NUP210L: variants seen among roughly 807,000 people sequenced by gnomAD.
The protein encoded by NUP210L is nucleoporin 210 like.
Under a neutral mutation model 208.5 loss-of-function variants are expected in NUP210L, and 74 were observed. That is an observed-to-expected ratio of 0.35 (90% CI 0.29 to 0.43). NUP210L has a LOEUF of 0.43. Ranked by LOEUF, NUP210L falls within the 20% of genes least tolerant of loss-of-function variation. The probability of loss-of-function intolerance (pLI) is 1.00; values close to 1 mark genes in which losing one functional copy is unlikely to be tolerated. For synonymous variants in NUP210L, 780 were observed against 816.9 expected, an observed-to-expected ratio of 0.95 and a Z score of 0.77; for missense variants, 1,843 against 2,289.4, an observed-to-expected ratio of 0.81 and a Z score of 3.98.
At chr1:154,080,246 G>C (rs952648603) in intron 16 of NUP210L, among the ~76,000 whole-genome samples, 1 of 151,978 alleles carries the variant, frequency 6.6e-6, no homozygotes, top group Non-Finnish European at 1.5e-5. Flanking sequence ...TGTAATCCCA[G>C]CTACTCGGGA....
intron 7 of NUP210L, among the ~76,000 whole-genome samples, chr1:154,134,314 A>T (rs1171356251): frequency 6.6e-6 from 1 of 151,998 alleles, no homozygotes; most frequent in Non-Finnish European, 1.5e-5. Context: ...TTCAAAAAAA[A>T]TACCAAATAA....
chr1:154,142,918 G>A (rs1322848527), intron 3 of NUP210L, among the ~76,000 whole-genome samples: 6 of 151,672 alleles, frequency 4.0e-5, no homozygotes, highest in African/African-American at 1.5e-4. Flanking sequence ...GCCAGGCGCG[G>A]TGGCTCACGC....
At chr1:154,117,786 C>A (rs1399390964) in exon 12 of NUP210L, 1 of 1,613,422 alleles carries the variant, frequency 6.2e-7, no homozygotes, top group East Asian at 2.2e-5. Context: ...ACTATTCCCC[C>A]TGACCTGACC....
intron 28 of NUP210L, among the ~76,000 whole-genome samples, chr1:154,028,694 C>T (rs1021699356): frequency 4.6e-5 from 7 of 152,106 alleles, no homozygotes; most frequent in African/African-American, 7.2e-5. Flanking sequence ...TGTTCATATC[C>T]TGTGTTCCTG....
At chr1:154,139,878 C>T in exon 5 of NUP210L, 1 of 1,612,922 alleles carries the variant, frequency 6.2e-7, no homozygotes. Flanking sequence ...AATCACATCT[C>T]CTTGTTTCTC....
At chr1:154,145,853 G>A (rs1001648448) in intron 2 of NUP210L, among the ~76,000 whole-genome samples, 4 of 152,088 alleles carry the variant, frequency 2.6e-5, no homozygotes, top group African/African-American at 7.2e-5. Context: ...ATGTTGCTGA[G>A]AGGGCCTAGA....
intron 13 of NUP210L, among the ~76,000 whole-genome samples, chr1:154,100,525 T>G (rs969505624): frequency 1.4e-5 from 2 of 142,974 alleles, no homozygotes; most frequent in African/African-American, 5.1e-5. Context: ...GTTTTTTTTT[T>G]TTTTTTTTTT....
intron 37 of NUP210L, among the ~76,000 whole-genome samples, chr1:153,996,345 C>T (rs1007734395): frequency 1.3e-5 from 2 of 152,088 alleles, no homozygotes; most frequent in Non-Finnish European, 2.9e-5. Context: ...TGCACTTTAA[C>T]CCCAGGTAAC....
At chr1:154,085,191 CAA>C (rs112021292) in intron 16 of NUP210L, among the ~76,000 whole-genome samples, 2 of 143,952 alleles carry the variant, frequency 1.4e-5, no homozygotes, top group East Asian at 2.1e-4. Context: ...ACTAAAAATA[CAA>C]AAAAAAAATA....
chr1:154,062,108 G>A (rs1377117560), intron 17 of NUP210L, among the ~76,000 whole-genome samples: 1 of 152,028 alleles, frequency 6.6e-6, no homozygotes, highest in African/African-American at 2.4e-5. Context: ...TTACAGACAC[G>A]AGCCACCACG....
At chr1:154,015,754 A>G (rs1316405725) in intron 33 of NUP210L, among the ~76,000 whole-genome samples, 1 of 145,394 alleles carries the variant, frequency 6.9e-6, no homozygotes, top group Non-Finnish European at 1.5e-5. Context: ...CACACACCCC[A>G]CAGAATTAGC....
At chr1:154,043,520 G>A (rs1653006263) in intron 27 of NUP210L, among the ~76,000 whole-genome samples, 1 of 150,790 alleles carries the variant, frequency 6.6e-6, no homozygotes, top group Admixed American at 6.6e-5. Context: ...CTTCATGTTG[G>A]TCAGGCTGGT....
chr1:154,139,213 G>A (rs1028835450), intron 5 of NUP210L, among the ~76,000 whole-genome samples: 4 of 152,072 alleles, frequency 2.6e-5, no homozygotes, highest in African/African-American at 9.7e-5. Flanking sequence ...AAAAAAGGAA[G>A]AAATTAGAAA....
At chr1:154,054,596 T>G (rs1653706339) in intron 24 of NUP210L, among the ~76,000 whole-genome samples, 174 bp downstream of exon 24, 1 of 152,228 alleles carries the variant, frequency 6.6e-6, no homozygotes, top group Admixed American at 6.5e-5. Context: ...AAGAGAGTTT[T>G]TATATGATGT....
At chr1:154,093,095 A>G (rs1387272925) in intron 15 of NUP210L, among the ~76,000 whole-genome samples, 1 of 152,212 alleles carries the variant, frequency 6.6e-6, no homozygotes, top group Non-Finnish European at 1.5e-5. Context: ...ATGAATGTAC[A>G]TAATACTATT....
intron 27 of NUP210L, 56 bp from the exon 28 acceptor site, chr1:154,030,110 C>CTT (rs376684553): frequency 4.2e-6 from 5 of 1,195,060 alleles, no homozygotes; most frequent in Non-Finnish European, 4.5e-6. Flanking sequence ...GGTGTCCTTC[C>CTT]TTTTTTTTTC....
At position 154,057,268 on chromosome 1, in the gene NUP210L, C is replaced by T. The variant is rs1012107257; in HGVS notation, c.3108-321G>A. On this transcript the variant is annotated intron_variant, in intron 22 of 39. Transcript: ENST00000368559. ...GCTGGGATTGCAGCATGAGTCACCACGCTTGGCCAAGATTAGGTTCTGAAA... is the reference window on the plus strand; with the variant it reads ...GCTGGGATTGCAGCATGAGTCACCATGCTTGGCCAAGATTAGGTTCTGAAA... 5.3e-5 allele frequency among the ~76,000 whole-genome samples: 8 copies of T among 152,264 alleles called. No homozygotes were observed. The East Asian group carries it at 5.8e-4, about 11-fold the overall frequency.
At chr1:154,153,856 C>T (rs1354595748) in intron 1 of NUP210L, among the ~76,000 whole-genome samples, 2 of 152,200 alleles carry the variant, frequency 1.3e-5, no homozygotes, top group East Asian at 3.8e-4. Context: ...ATCTTACAAG[C>T]TCACTTTCCT....
intron 6 of NUP210L, among the ~76,000 whole-genome samples, chr1:154,136,863 T>C (rs1658572196): frequency 7.7e-6 from 1 of 129,366 alleles, no homozygotes; most frequent in Admixed American, 1.0e-4. Flanking sequence ...GAGGTTGCAG[T>C]GAGCCGAGAT....
Sources: allele counts gnomAD v4.1 joint callset (sites outside exome capture counted in the v4.1 genomes callset), GRCh38; gene constraint gnomAD v4.1.1; transcripts MANE v1.5; gene names NCBI Gene and HGNC (gene_info 2026-07-23, HGNC 2026-07-21).